The following TRIM37 variants were observed in gnomAD, a reference collection of about 807,000 sequenced individuals.
The protein encoded by TRIM37 is tripartite motif containing 37.
In TRIM37, 80 loss-of-function variants were observed where a neutral mutation model predicts 129.8. That is an observed-to-expected ratio of 0.62 (90% CI 0.51 to 0.74). The LOEUF (loss-of-function observed/expected upper bound fraction) is 0.74, where lower values mean the gene tolerates loss of function less well. Among genes scored for constraint, TRIM37 ranks in the 30% least tolerant of loss-of-function variants. The pLI is 0.00. For synonymous variants in TRIM37, 389 were observed against 387.1 expected (o/e 1.00, Z -0.06); for missense variants, 1,054 against 1,176.5 (o/e 0.90, Z 1.52).
At position 59,041,845 on chromosome 17, in the gene TRIM37, A is replaced by C. The variant is rs1171771865; in HGVS notation, c.1721T>G (p.Leu574Arg). Residue 574 changes from leucine to arginine, a missense_variant, in exon 17 of 24, where the codon CTC becomes CGC. Around this residue, in one of 3 missense-constraint regions of TRIM37, gnomAD observed 752 missense variants for 870.8 expected, o/e 0.86. Transcript: ENST00000262294. ...YNNMELEEGE[L>R]MEDAAAAGPA... ...TCCTGCAGCAGCTGCATCTTCCATG[A>C]GTTCTCCCTCTTCTAATTCCATGTT... 1 of 1,613,974 alleles carries C rather than the reference A, an allele frequency of 6.2e-7. No homozygotes were observed. Among genetic ancestry groups the C allele is most frequent in the South Asian group, 1.1e-5 (1 of 91,082 alleles).
chr17:59,069,598 G>A (rs1798577993), intron 9 of TRIM37, among the ~76,000 whole-genome samples: 1 of 152,136 alleles, frequency 6.6e-6, no homozygotes, highest in South Asian at 2.1e-4. Context: ...TGAAGCAGTG[G>A]CTTCACCCCT....
At chr17:59,087,359 T>G (rs1326148234) in intron 4 of TRIM37, among the ~76,000 whole-genome samples, 1 of 152,060 alleles carries the variant, frequency 6.6e-6, no homozygotes, top group African/African-American at 2.4e-5. Flanking sequence ...CTTCCCAAAG[T>G]GCTGAGATTA....
At chr17:58,967,337 G>GTCC in the TRIM37 span, among the ~76,000 whole-genome samples, 1 of 151,988 alleles carries the variant, frequency 6.6e-6, no homozygotes, top group East Asian at 1.9e-4. Flanking sequence ...TCATGAAAGG[G>GTCC]AATGATAACT....
chr17:59,054,216 AT>A (rs1172530751), intron 13 of TRIM37, among the ~76,000 whole-genome samples: 1 of 152,218 alleles, frequency 6.6e-6, no homozygotes, highest in Non-Finnish European at 1.5e-5. Context: ...TTCAGAACAT[AT>A]TTTAATCTTT....
intron 20 of TRIM37, 53 bp downstream of exon 20, chr17:59,017,243 A>G: frequency 6.3e-7 from 1 of 1,586,326 alleles, no homozygotes; most frequent in Non-Finnish European, 8.7e-7. Flanking sequence ...CATCAATTTC[A>G]GGTAATAAAT....
At chr17:59,072,195 C>T (rs2042428823) in intron 8 of TRIM37, among the ~76,000 whole-genome samples, 1 of 152,080 alleles carries the variant, frequency 6.6e-6, no homozygotes, top group African/African-American at 2.4e-5. Flanking sequence ...CATCTACAGG[C>T]CAAGGAGAGA....
intron 17 of TRIM37, among the ~76,000 whole-genome samples, chr17:59,032,531 C>CAAAAAA (rs35442859): frequency 2.2e-4 from 19 of 84,698 alleles, no homozygotes; most frequent in Non-Finnish European, 3.3e-4. Context: ...GACTCCGTCT[C>CAAAAAA]AAAAAAAAAA....
At chr17:59,105,091 C>CAA (rs35249068) in intron 1 of TRIM37, among the ~76,000 whole-genome samples, 6,224 of 122,358 alleles carry the variant, frequency 0.051, 213 homozygotes, top group Non-Finnish European at 0.074. Context: ...GATTCTGTCT[C>CAA]AAAAAAAAAA....
chr17:58,981,026 GAAT>G (rs2031328722), downstream of TRIM37: 1 of 1,580,354 alleles, frequency 6.3e-7, no homozygotes, highest in African/African-American at 1.4e-5. Flanking sequence ...CTATAAAATA[GAAT>G]AATTTTTCTT....
At chr17:59,099,877 C>T (rs1160889479) in intron 2 of TRIM37, among the ~76,000 whole-genome samples, 1 of 152,124 alleles carries the variant, frequency 6.6e-6, no homozygotes, top group Non-Finnish European at 1.5e-5. Context: ...GATCTCGGCT[C>T]ACCACAACCT....
intron 6 of TRIM37, among the ~76,000 whole-genome samples, chr17:59,080,215 T>C (rs1041015398): frequency 2.9e-4 from 44 of 152,350 alleles, no homozygotes; most frequent in African/African-American, 8.4e-4. Context: ...TTCTAACAAC[T>C]TGAAACAAAA....
intron 19 of TRIM37, among the ~76,000 whole-genome samples, chr17:59,021,842 T>C (rs916240643): frequency 1.3e-5 from 2 of 152,146 alleles, no homozygotes; most frequent in Non-Finnish European, 2.9e-5. Flanking sequence ...GTGATTATTA[T>C]GCATTGTAAG....
At chr17:59,042,094 C>T (rs560870279) in intron 16 of TRIM37, among the ~76,000 whole-genome samples, 196 bp from the exon 17 acceptor site, 3 of 151,960 alleles carry the variant, frequency 2.0e-5, no homozygotes, top group South Asian at 4.2e-4. Flanking sequence ...TAAAAAATAT[C>T]GGCCGGGCGC....
intron 16 of TRIM37, among the ~76,000 whole-genome samples, chr17:59,042,249 A>ATG (rs2039247730): frequency 6.7e-6 from 1 of 150,114 alleles, no homozygotes; most frequent in Non-Finnish European, 1.5e-5. Flanking sequence ...GGTGGCAGGC[A>ATG]CCTGTAGTCC....
exon 25 of TRIM37, chr17:58,982,716 T>C (rs756700481): frequency 4.8e-5 from 25 of 519,290 alleles, no homozygotes; most frequent in Non-Finnish European, 7.8e-5. Flanking sequence ...CAGTATTTGT[T>C]TTCTCTTGAT....
intron 8 of TRIM37, among the ~76,000 whole-genome samples, chr17:59,073,920 T>C (rs1158415879): frequency 6.6e-6 from 1 of 152,244 alleles, no homozygotes; most frequent in African/African-American, 2.4e-5. Flanking sequence ...TTCTGGAATA[T>C]AGTCAACGTT....
At position 59,015,865 on chromosome 17, in the gene TRIM37, G is replaced by A. The variant is rs540762106; in HGVS notation, c.2387-66C>T. On this transcript the variant is annotated intron_variant, in intron 20 of 23. Coordinates refer to ENST00000262294, the MANE Select transcript of TRIM37 (RefSeq NM_015294.6). ...ATGGTGGTGTGCGCCTGTAATCCCA[G>A]CTACTTGGGAGGTTGAAACACAAGG... The A allele has an allele frequency of 5.3e-6, 8 of 1,513,908 alleles. No homozygotes were observed. The East Asian group carries it at 1.8e-4, about 35-fold the overall frequency. The allele number at this position is 1,513,908 out of a possible 1,614,324, so 93.8% of individuals were successfully genotyped here. A position where few individuals can be genotyped will look rare whatever the true frequency, so the allele number is the denominator to read the frequency against.
chr17:59,101,089 C>T (rs1367114801), intron 2 of TRIM37, among the ~76,000 whole-genome samples: 1 of 150,544 alleles, frequency 6.6e-6, no homozygotes, highest in Non-Finnish European at 1.5e-5. Context: ...TAGTTTACTG[C>T]ATGTCAGTTA....
At chr17:58,983,287 T>C (rs1045866441) in intron 24 of TRIM37, 2 of 182,236 alleles carry the variant, frequency 1.1e-5, no homozygotes, top group African/African-American at 4.7e-5. Flanking sequence ...ACTATTCATT[T>C]GTTCACAACA....
Sources: allele counts gnomAD v4.1 joint callset (sites outside exome capture counted in the v4.1 genomes callset), GRCh38; gene constraint gnomAD v4.1.1; regional missense constraint gnomAD v4.1.1; transcripts MANE v1.5; gene names NCBI Gene and HGNC (gene_info 2026-07-23, HGNC 2026-07-21).